Variants in FNBP1L observed in about 807,000 individuals in gnomAD.
The protein encoded by FNBP1L is formin-binding protein 1-like.
A neutral mutation model predicts 91.2 loss-of-function variants in FNBP1L; 36 were observed. The ratio of observed to expected loss-of-function variants is 0.39; its 90% confidence interval spans 0.30 to 0.52. The LOEUF (loss-of-function observed/expected upper bound fraction) is 0.52, where lower values mean the gene tolerates loss of function less well. Among genes scored for constraint, FNBP1L ranks in the 20% least tolerant of loss-of-function variants. FNBP1L has a pLI of 0.66. For missense variants in FNBP1L, 571 were observed against 732.1 expected (o/e 0.78, Z 2.54); for synonymous variants, 242 against 237.0 (o/e 1.02, Z -0.19).
At chr1:93,521,987 A>G in intron 2 of FNBP1L, 95 bp from the exon 3 acceptor site, 1 of 654,886 alleles carries the variant, frequency 1.5e-6, no homozygotes, top group Non-Finnish European at 2.4e-6. Flanking sequence ...TTATATCATA[A>G]AATTCATGAT....
intron 2 of FNBP1L, among the ~76,000 whole-genome samples, chr1:93,507,383 T>C (rs1670673476): frequency 6.6e-6 from 1 of 152,096 alleles, no homozygotes; most frequent in Admixed American, 6.6e-5. Context: ...GGAAGTAACA[T>C]TAAGGGCAGA....
At chr1:93,538,843 A>T (rs1671932479) in intron 10 of FNBP1L, among the ~76,000 whole-genome samples, 1 of 152,054 alleles carries the variant, frequency 6.6e-6, no homozygotes, top group African/African-American at 2.4e-5. Context: ...CTTCTTAAAA[A>T]TTATGATTTT....
Position 93,506,042 on chromosome 1 carries a change from G to A in FNBP1L, c.140+6459G>A, listed in dbSNP as rs141052572. On this transcript the variant is annotated intron_variant, in intron 2 of 16. Transcript: ENST00000271234. The stretch of plus-strand genomic sequence containing the variant: ...TTTTTTACTATAAGAGAGAAGATTC[G>A]TGGCCGAAAGTGATGGAACTCCAGC... Among the ~76,000 whole-genome samples the A allele has an allele frequency of 9.3e-4, 141 of 152,268 alleles. 1 individual carries two copies. Among genetic ancestry groups the A allele is most frequent in the South Asian group, 3.3e-3 (16 of 4,826 alleles).
At chr1:93,457,172 A>G (rs1668699644) in intron 1 of FNBP1L, among the ~76,000 whole-genome samples, 2 of 152,206 alleles carry the variant, frequency 1.3e-5, no homozygotes, top group South Asian at 2.1e-4. Flanking sequence ...AGTGTGAGCC[A>G]CTGCGTCTGA....
chr1:93,470,021 C>G (rs1231478622), intron 1 of FNBP1L, among the ~76,000 whole-genome samples: 1 of 152,096 alleles, frequency 6.6e-6, no homozygotes, highest in Non-Finnish European at 1.5e-5. Flanking sequence ...CATATTTGTC[C>G]TTGATATTCC....
At chr1:93,509,022 A>G (rs1670726983) in intron 2 of FNBP1L, among the ~76,000 whole-genome samples, 1 of 152,208 alleles carries the variant, frequency 6.6e-6, no homozygotes, top group Non-Finnish European at 1.5e-5. Context: ...AAATTTTAGG[A>G]TTGACTTTCA....
chr1:93,469,859 C>T (rs974406774), intron 1 of FNBP1L, among the ~76,000 whole-genome samples: 2 of 152,066 alleles, frequency 1.3e-5, no homozygotes, highest in East Asian at 1.9e-4. Flanking sequence ...ACTTGTCGTT[C>T]CAGCTACTTG....
chr1:93,523,362 CT>C lies in FNBP1L; in HGVS notation c.219del (p.Phe73LeufsTer7), dbSNP rs748660862. On this transcript the variant is annotated frameshift_variant, in exon 4 of 17. Transcript: ENST00000271234. LOFTEE classifies it high-confidence loss of function. ...TTGCCAGGTTTACCTCGTGTGTAGCCTTTTTTAATATCCTTAATGAGTTAAA... is the reference window on the plus strand; with the variant it reads ...TTGCCAGGTTTACCTCGTGTGTAGCCTTTTTAATATCCTTAATGAGTTAAA... ...EEPRFTSCVA[F>X]FNILNELNDY... The C allele has an allele frequency of 1.2e-6, 2 of 1,604,264 alleles. No homozygotes were observed. The highest frequency in any genetic ancestry group is 3.4e-5 in the Admixed American group (2 of 58,326).
At chr1:93,541,127 C>A (rs962160222) in intron 11 of FNBP1L, 71 bp downstream of exon 11, 9 of 1,419,446 alleles carry the variant, frequency 6.3e-6, no homozygotes, top group Non-Finnish European at 7.7e-6. Flanking sequence ...TTGTTTAATT[C>A]AAAACAAGTG....
intron 2 of FNBP1L, among the ~76,000 whole-genome samples, chr1:93,510,080 C>G (rs1328640991): frequency 1.3e-5 from 2 of 152,176 alleles, no homozygotes; most frequent in Non-Finnish European, 2.9e-5. Context: ...AACAAAGCAG[C>G]CAGGAAGCTC....
intron 1 of FNBP1L, among the ~76,000 whole-genome samples, chr1:93,472,561 C>T (rs1170782773): frequency 6.6e-6 from 1 of 151,424 alleles, no homozygotes; most frequent in Admixed American, 6.6e-5. Context: ...GCCTGTAATC[C>T]CAGAACTTTG....
intron 14 of FNBP1L, among the ~76,000 whole-genome samples, chr1:93,548,175 A>G (rs898640395): frequency 6.6e-6 from 1 of 152,182 alleles, no homozygotes; most frequent in African/African-American, 2.4e-5. Context: ...AAGAGTACAT[A>G]TCTTTAATCT....
In FNBP1L at chr1:93,554,085, T is replaced by TA. The variant is rs1349943916; in HGVS notation, c.*1670dup. ...TCACCACTGTTACACAGCTGACATA[T>TA]AGTGTATTACCTTTGCAGCTAGTAA... is the stretch of plus-strand genomic sequence containing the variant. On this transcript the variant is annotated 3_prime_UTR_variant, in exon 17 of 17. Transcript: ENST00000271234. 6.5e-6 allele frequency: 1 copy of TA among 152,682 alleles called. No individual in the cohort carries two copies. Among genetic ancestry groups the TA allele is most frequent in the African/African-American group, 2.4e-5 (1 of 41,472 alleles). The allele number at this position is 152,682 out of a possible 1,614,324, so 9.5% of individuals were successfully genotyped here. A position where few individuals can be genotyped will look rare whatever the true frequency, so the allele number is the denominator to read the frequency against.
intron 7 of FNBP1L, among the ~76,000 whole-genome samples, chr1:93,532,514 G>T (rs2101759834): frequency 7.6e-6 from 1 of 132,126 alleles, no homozygotes; most frequent in African/African-American, 2.5e-5. Context: ...TATGTTATGG[G>T]CCAGTTGCTT....
intron 1 of FNBP1L, among the ~76,000 whole-genome samples, chr1:93,448,637 G>T (rs1234972729): frequency 2.6e-5 from 4 of 151,908 alleles, no homozygotes; most frequent in Non-Finnish European, 5.9e-5. Context: ...TTTTCCCGAC[G>T]CCTGGCTTCG....
At chr1:93,509,570 T>A (rs1670748149) in intron 2 of FNBP1L, among the ~76,000 whole-genome samples, 1 of 152,192 alleles carries the variant, frequency 6.6e-6, no homozygotes, top group Non-Finnish European at 1.5e-5. Flanking sequence ...AAACAATGTT[T>A]AAAATGTTGA....
intron 1 of FNBP1L, among the ~76,000 whole-genome samples, chr1:93,454,807 AT>A (rs1418113366): frequency 6.6e-6 from 1 of 152,176 alleles, no homozygotes; most frequent in African/African-American, 2.4e-5. Flanking sequence ...TACACATATC[AT>A]TTACATTGTA....
intron 10 of FNBP1L, among the ~76,000 whole-genome samples, chr1:93,536,825 A>G (rs1285330774): frequency 1.3e-5 from 2 of 152,058 alleles, no homozygotes; most frequent in Non-Finnish European, 2.9e-5. Flanking sequence ...TACTCTTGTA[A>G]TAATTTGTCA....
At chr1:93,510,588 A>G (rs965787123) in intron 2 of FNBP1L, among the ~76,000 whole-genome samples, 1 of 152,214 alleles carries the variant, frequency 6.6e-6, no homozygotes, top group African/African-American at 2.4e-5. Context: ...CTCACCAGCA[A>G]CGGAACAAAG....
Sources: gnomAD v4.1 joint callset for allele counts (sites outside exome capture counted in the v4.1 genomes callset) on GRCh38, gnomAD v4.1.1 for gene constraint, MANE v1.5 for transcripts, NCBI Gene and HGNC (gene_info 2026-07-23, HGNC 2026-07-21) for gene names.